The following RBFOX1 variants were observed in gnomAD, a reference collection of about 807,000 sequenced individuals.
RBFOX1 encodes the protein RNA binding fox-1 homolog 1, also known as RNA binding protein fox-1 homolog 1.
RBFOX1 carries 8 observed loss-of-function variants against 57.7 expected under a neutral mutation model. The observed-to-expected ratio is 0.14, with a 90% CI of 0.08 to 0.25. RBFOX1 has a LOEUF of 0.25. Ranked by LOEUF, RBFOX1 falls within the 10% of genes least tolerant of loss-of-function variation. The probability of loss-of-function intolerance (pLI) is 1.00; values close to 1 mark genes in which losing one functional copy is unlikely to be tolerated. For synonymous variants in RBFOX1, 326 were observed against 222.4 expected (o/e 1.47, Z -4.15); for missense variants, 611 against 548.5 (o/e 1.11, Z -1.14).
chr16:5,656,709 C>T (rs1016125561), intron 3 of RBFOX1, among the ~76,000 whole-genome samples: 1 of 152,190 alleles, frequency 6.6e-6, no homozygotes, highest in Admixed American at 6.5e-5. Flanking sequence ...TTCATCCATA[C>T]CCCTGCAAAG....
intron 2 of RBFOX1, among the ~76,000 whole-genome samples, chr16:6,457,914 A>C (rs915287551): frequency 5.3e-5 from 8 of 152,178 alleles, no homozygotes; most frequent in Non-Finnish European, 1.2e-4. Flanking sequence ...AAGTGAGAAG[A>C]AGCCCAGTGT....
intron 4 of RBFOX1, among the ~76,000 whole-genome samples, chr16:5,904,952 G>A (rs1234151253): frequency 7.3e-6 from 1 of 137,612 alleles, no homozygotes. Context: ...ACTCCAGCCT[G>A]GGCGACAGAG....
Position 5,996,698 on chromosome 16 carries a change from G to A in RBFOX1, c.351+129363G>A, listed in dbSNP as rs570022864. Among the ~76,000 whole-genome samples, 10 of 152,194 alleles carry A rather than the reference G, an allele frequency of 6.6e-5. No homozygotes were observed. In the South Asian group the frequency reaches 8.3e-4, roughly 13 times the overall value. ...GAGAGAGCAGTTAAAGGACCTTCAG[G>A]TAGAGAGAACTGTGGGATTTAACTG... On this transcript the variant is annotated intron_variant, in intron 4 of 19. Transcript: ENST00000641259.
At chr16:5,714,816 C>T (rs771112828) in intron 3 of RBFOX1, among the ~76,000 whole-genome samples, 7 of 152,262 alleles carry the variant, frequency 4.6e-5, no homozygotes, top group South Asian at 2.1e-4. Flanking sequence ...ATCGTCACTG[C>T]GTCACAGATG....
chr16:6,384,060 C>CTTTT (rs5815305), intron 2 of RBFOX1, among the ~76,000 whole-genome samples: 1 of 126,636 alleles, frequency 7.9e-6, no homozygotes, highest in Non-Finnish European at 1.7e-5. Flanking sequence ...ATTGGTTTTG[C>CTTTT]TTTTTTTTTT....
chr16:6,445,789 G>A (rs2094472868), intron 2 of RBFOX1, among the ~76,000 whole-genome samples: 1 of 151,936 alleles, frequency 6.6e-6, no homozygotes. Flanking sequence ...CACCATTTTG[G>A]CCAGGATGGT....
chr16:7,364,313 G>A (rs2097393055), intron 4 of RBFOX1, among the ~76,000 whole-genome samples: 1 of 152,118 alleles, frequency 6.6e-6, no homozygotes, highest in African/African-American at 2.4e-5. Flanking sequence ...AGTTACTATG[G>A]AGAAAGGGCC....
intron 4 of RBFOX1, among the ~76,000 whole-genome samples, chr16:7,450,951 C>G (rs1251276677): frequency 6.6e-6 from 1 of 152,172 alleles, no homozygotes; most frequent in Non-Finnish European, 1.5e-5. Context: ...GAAGAGGCCT[C>G]TGCACATGAA....
intron 1 of RBFOX1, among the ~76,000 whole-genome samples, chr16:6,266,679 A>T (rs950602785): frequency 4.6e-5 from 7 of 151,224 alleles, no homozygotes; most frequent in Admixed American, 1.3e-4. Context: ...GCGCCATTGC[A>T]CTCCAGCCTG....
chr16:6,844,483 T>C (rs1176527806), intron 3 of RBFOX1, among the ~76,000 whole-genome samples: 1 of 152,182 alleles, frequency 6.6e-6, no homozygotes, highest in Non-Finnish European at 1.5e-5. Flanking sequence ...ATCTTCCAAC[T>C]CCATCTATGT....
chr16:5,279,505 T>A (rs1420850050), intron 1 of RBFOX1, among the ~76,000 whole-genome samples: 3 of 152,144 alleles, frequency 2.0e-5, no homozygotes, highest in African/African-American at 7.2e-5. Context: ...AATTTTTTTT[T>A]ATTTTTTATT....
intron 1 of RBFOX1, among the ~76,000 whole-genome samples, chr16:6,301,245 C>T (rs901348200): frequency 5.3e-5 from 8 of 152,138 alleles, no homozygotes; most frequent in African/African-American, 1.7e-4. Context: ...TTCAGTATTT[C>T]ATATACATGA....
intron 4 of RBFOX1, among the ~76,000 whole-genome samples, chr16:7,280,947 CCCTA>C (rs148275289): frequency 8.9e-4 from 108 of 121,666 alleles, no homozygotes; most frequent in South Asian, 2.7e-3. Context: ...GCATGTGATT[CCCTA>C]CCTACCTCCC....
At chr16:7,154,317 G>C (rs1274095788) in intron 4 of RBFOX1, among the ~76,000 whole-genome samples, 2 of 152,134 alleles carry the variant, frequency 1.3e-5, no homozygotes, top group South Asian at 2.1e-4. Context: ...AGATACAGAG[G>C]AAAGGGAATC....
intron 1 of RBFOX1, among the ~76,000 whole-genome samples, chr16:6,139,777 T>C (rs569945935): frequency 3.7e-4 from 57 of 152,350 alleles, no homozygotes; most frequent in Non-Finnish European, 6.8e-4. Context: ...GTATCTGTTT[T>C]TGTTTCTCCT....
intron 3 of RBFOX1, among the ~76,000 whole-genome samples, chr16:5,864,101 G>A (rs181223409): frequency 6.6e-6 from 1 of 152,142 alleles, no homozygotes; most frequent in East Asian, 1.9e-4. Context: ...TCCTTTCTAT[G>A]TGTCCATGTG....
rs548938717 is a variant in RBFOX1 at position 7,710,864 on chromosome 16, A to G, written c.*119A>G. The G allele has an allele frequency of 4.6e-5, 48 of 1,041,644 alleles. 1 individual carries two copies. In the South Asian group the frequency reaches 1.1e-3, roughly 23 times the overall value. The allele number at this position is 1,041,644 out of a possible 1,614,324, so 64.5% of individuals were successfully genotyped here. On this transcript the variant is annotated 3_prime_UTR_variant, in exon 16 of 16. Coordinates refer to ENST00000550418, the MANE Select transcript of RBFOX1 (RefSeq NM_018723.4). ...AACTCTAAAAAAAAAAAAAATACAA[A>G]TAAAAAGGAAAAAAAATTACATTTT... is the stretch of plus-strand genomic sequence containing the variant.
chr16:6,521,347 G>A (rs905002816), intron 2 of RBFOX1, among the ~76,000 whole-genome samples: 1 of 151,900 alleles, frequency 6.6e-6, no homozygotes, highest in African/African-American at 2.4e-5. Flanking sequence ...ACTACTAATT[G>A]CATTTCTCCT....
At chr16:6,994,278 C>T (rs141537375) in intron 3 of RBFOX1, among the ~76,000 whole-genome samples, 73 of 152,212 alleles carry the variant, frequency 4.8e-4, no homozygotes, top group African/African-American at 1.2e-3. Flanking sequence ...TTCTGCCTTC[C>T]GACTTAATGA....
Sources: gnomAD v4.1 joint callset for allele counts (sites outside exome capture counted in the v4.1 genomes callset) on GRCh38, gnomAD v4.1.1 for gene constraint, MANE v1.5 for transcripts, NCBI Gene and HGNC (gene_info 2026-07-23, HGNC 2026-07-21) for gene names.